The following CARMIL1 variants were observed in gnomAD, a reference collection of about 807,000 sequenced individuals.
CARMIL1 encodes the protein F-actin-uncapping protein LRRC16A.
In CARMIL1, 90 loss-of-function variants were observed where a neutral mutation model predicts 177.1. That is an observed-to-expected ratio of 0.51 (90% CI 0.43 to 0.61). CARMIL1 has a LOEUF of 0.61. Ranked by LOEUF, CARMIL1 falls within the 20% of genes least tolerant of loss-of-function variation. The pLI, the probability that CARMIL1 is intolerant of heterozygous loss-of-function variation, is 0.00. For synonymous variants in CARMIL1, 577 were observed against 606.2 expected (o/e 0.95, Z 0.71); for missense variants, 1,380 against 1,667.0 (o/e 0.83, Z 3.00).
chr6:25,521,976 T>A (rs886667957), intron 23 of CARMIL1, among the ~76,000 whole-genome samples: 1 of 152,138 alleles, frequency 6.6e-6, no homozygotes, highest in African/African-American at 2.4e-5. Flanking sequence ...AGGGTCCATC[T>A]TAGTTGATGA....
intron 5 of CARMIL1, 120 bp from the exon 6 acceptor site, chr6:25,449,778 A>G (rs542865200): frequency 3.5e-6 from 2 of 576,876 alleles, no homozygotes; most frequent in Admixed American, 6.7e-5. Flanking sequence ...AAATTGAAGA[A>G]AAACTGAAAT....
chr6:25,472,730 A>C, intron 11 of CARMIL1: 1 of 543,898 alleles, frequency 1.8e-6, no homozygotes, highest in African/African-American at 1.9e-5. Flanking sequence ...AAGTGAAACA[A>C]AAGGAAAGGA....
At chr6:25,423,381 T>C (rs983627173) in intron 3 of CARMIL1, among the ~76,000 whole-genome samples, 1 of 151,852 alleles carries the variant, frequency 6.6e-6, no homozygotes, top group Non-Finnish European at 1.5e-5. Context: ...CTTTCGGGGG[T>C]TGGGTAATTA....
At chr6:25,457,727 G>C (rs999591017) in intron 8 of CARMIL1, among the ~76,000 whole-genome samples, 1 of 152,204 alleles carries the variant, frequency 6.6e-6, no homozygotes. Flanking sequence ...TGGCAGGGCT[G>C]TGCATTCTTG....
chr6:25,450,389 T>C lies in CARMIL1; in HGVS notation c.520T>C (p.Tyr174His), dbSNP rs774211137. ...ACVCDWLGFS[Y>H]REEVQWDVDT... is the part of the protein sequence containing the mutation. ...TGTTTGTGACTGGCTTGGATTTTCA[T>C]ACAGGGAAGAAGTACAATGGGTAAG... is the stretch of plus-strand genomic sequence containing the variant. Residue 174 changes from tyrosine to histidine, a missense_variant, in exon 7 of 37, where the codon TAC becomes CAC. Physicochemically the swap from Tyr to His is moderately conservative, Grantham distance 83. Coordinates refer to ENST00000329474, the MANE Select transcript of CARMIL1 (RefSeq NM_017640.6). 6.2e-7 allele frequency: 1 copy of C among 1,613,552 alleles called. No homozygotes were observed.
intron 29 of CARMIL1, among the ~76,000 whole-genome samples, chr6:25,561,412 T>C (rs954473164): frequency 6.6e-6 from 1 of 152,196 alleles, no homozygotes; most frequent in African/African-American, 2.4e-5. Context: ...GTCATACCAG[T>C]TTTAAATCAA....
At chr6:25,612,840 A>G in intron 36 of CARMIL1, 1 of 985,390 alleles carries the variant, frequency 1.0e-6, no homozygotes, top group Non-Finnish European at 1.2e-6. Context: ...CCATTGCAGA[A>G]GAGGAAGTGA....
intron 11 of CARMIL1, among the ~76,000 whole-genome samples, chr6:25,474,217 C>T (rs1159972953): frequency 2.0e-5 from 3 of 151,648 alleles, no homozygotes; most frequent in Non-Finnish European, 4.4e-5. Flanking sequence ...ATGCCATTCT[C>T]CTGCCTCAGC....
chr6:25,349,126 G>A (rs1003616742), intron 2 of CARMIL1, among the ~76,000 whole-genome samples: 6 of 152,166 alleles, frequency 3.9e-5, no homozygotes, highest in African/African-American at 1.4e-4. Flanking sequence ...AGCGTATCCT[G>A]GCAGGCAGGG....
At chr6:25,459,848 T>A (rs767368638) in intron 8 of CARMIL1, among the ~76,000 whole-genome samples, 8 of 152,222 alleles carry the variant, frequency 5.3e-5, no homozygotes, top group Non-Finnish European at 1.0e-4. Flanking sequence ...TTGCCAGGAC[T>A]CATGAGAGGG....
intron 4 of CARMIL1, among the ~76,000 whole-genome samples, chr6:25,435,113 C>T (rs914011704): frequency 5.3e-5 from 8 of 152,174 alleles, no homozygotes; most frequent in African/African-American, 1.7e-4. Context: ...AGTTCAGTCT[C>T]TATCATATGG....
rs771234757 is a variant in CARMIL1, at chr6:25,517,410, G to T, written c.1869G>T (p.Met623Ile). Residue 623 changes from methionine to isoleucine, a missense_variant, in exon 22 of 37, where the codon ATG becomes ATT. Met to Ile is a conservative substitution (Grantham distance 10, BLOSUM62 1). Coordinates refer to ENST00000329474, the MANE Select transcript of CARMIL1 (RefSeq NM_017640.6). Reference protein sequence around the residue: ...AQGFQDIAVAMEKNYTLRFMP... With the variant: ...AQGFQDIAVAIEKNYTLRFMP... ...GCTTTCAGGATATAGCTGTTGCTAT[G>T]GAAAAGTAAGTTTGAATTAGGATTT... The T allele has an allele frequency of 6.2e-7, 1 of 1,612,356 alleles. No individual in the cohort carries two copies. The highest frequency in any genetic ancestry group is 8.5e-7 in the Non-Finnish European group (1 of 1,178,996).
intron 5 of CARMIL1, among the ~76,000 whole-genome samples, chr6:25,438,461 C>T (rs1310395703): frequency 4.6e-5 from 7 of 152,138 alleles, no homozygotes; most frequent in African/African-American, 1.7e-4. Flanking sequence ...AGATGGGACT[C>T]GTATAAAGAA....
At chr6:25,524,434 G>C (rs1302253478) in intron 23 of CARMIL1, among the ~76,000 whole-genome samples, 2 of 152,176 alleles carry the variant, frequency 1.3e-5, no homozygotes, top group Non-Finnish European at 2.9e-5. Flanking sequence ...AAGGACACTA[G>C]AGGAAATCAA....
chr6:25,358,615 A>G (rs1788874528), intron 2 of CARMIL1, among the ~76,000 whole-genome samples: 1 of 152,194 alleles, frequency 6.6e-6, no homozygotes, highest in Non-Finnish European at 1.5e-5. Flanking sequence ...GTCATTATGA[A>G]CTTTCTTTAC....
chr6:25,420,085 A>G (rs1795711385), intron 2 of CARMIL1, 29 bp from the exon 3 acceptor site: 3 of 1,598,110 alleles, frequency 1.9e-6, no homozygotes, highest in Non-Finnish European at 2.6e-6. Flanking sequence ...TTTGGTGCTT[A>G]TACTGATGCT....
At position 25,612,144 on chromosome 6, in the gene CARMIL1, G is replaced by T. The variant is rs542090462; in HGVS notation, c.3979+1963G>T. Among the ~76,000 whole-genome samples, 18 of 152,302 alleles carry T rather than the reference G, an allele frequency of 1.2e-4. No individual in the cohort carries two copies. In the South Asian group the frequency reaches 1.9e-3, roughly 16 times the overall value. ...GACATCATCCTGGTGTTATCACTTG[G>T]TATTGAAATTGGACTGAAAATGTAC... is the stretch of plus-strand genomic sequence containing the variant. On this transcript the variant is annotated intron_variant, in intron 36 of 36. Transcript: ENST00000329474.
At chr6:25,478,995 A>G (rs1161447430) in intron 11 of CARMIL1, 1 of 437,816 alleles carries the variant, frequency 2.3e-6, no homozygotes, top group Non-Finnish European at 4.5e-6. Flanking sequence ...ACTCTCCAGG[A>G]AAGTTATAGA....
At chr6:25,595,171 G>A (rs962793668) in intron 32 of CARMIL1, among the ~76,000 whole-genome samples, 1 of 152,172 alleles carries the variant, frequency 6.6e-6, no homozygotes, top group Non-Finnish European at 1.5e-5. Flanking sequence ...AAACATTTCA[G>A]TCTTTAAGCA....
Sources: allele counts gnomAD v4.1 joint callset (sites outside exome capture counted in the v4.1 genomes callset), GRCh38; gene constraint gnomAD v4.1.1; transcripts MANE v1.5; gene names NCBI Gene and HGNC (gene_info 2026-07-23, HGNC 2026-07-21).